OR2V1: variants seen among roughly 807,000 people sequenced by gnomAD.
OR2V1 encodes olfactory receptor family 2 subfamily V member 1.
Under a neutral mutation model 15.0 loss-of-function variants are expected in OR2V1, and 18 were observed. The ratio of observed to expected loss-of-function variants is 1.20; its 90% CI spans 0.83 to 1.78. The LOEUF is 1.78. OR2V1 is among the 40% of genes most tolerant of loss of function. The probability of loss-of-function intolerance (pLI) is 0.00; values close to 1 mark genes in which losing one functional copy is unlikely to be tolerated. For synonymous variants in OR2V1, 144 were observed against 146.1 expected (o/e 0.99, Z 0.10); for missense variants, 359 against 392.9 (o/e 0.91, Z 0.73).
rs544743561 is a variant in OR2V1, at chr5:181,125,338, G to A, written c.-21-13C>T. On this transcript the variant is annotated splice_polypyrimidine_tract_variant and intron_variant, in intron 3 of 3. Coordinates refer to ENST00000641551, the MANE Select transcript of OR2V1 (RefSeq NM_001258283.2). ...TGTTCACTGTCACCTGAGAACATAA[G>A]AGAAATTATAAGATTGAGTGACATG... The A allele has an allele frequency of 3.8e-6, 6 of 1,574,556 alleles. No individual in the cohort carries two copies. In the African/African-American group the frequency reaches 8.1e-5, roughly 21 times the overall value.
rs950279791 is a variant in OR2V1 at position 181,124,707 on chromosome 5, G to C, written c.598C>G (p.Leu200Val). Residue 200 changes from leucine to valine, a missense_variant, in exon 4 of 4, where the codon CTC becomes GTC. Transcript: ENST00000641551. ...CADTSLFDTL[L>V]FACCVFMLLL... ...AGCATGAAGACACAGCAAGCAAAGA[G>C]GAGGGTGTCAAAAAGGGAAGTGTCT... The C allele has an allele frequency of 1.9e-6, 3 of 1,612,072 alleles. No homozygotes were observed. In the East Asian group the frequency reaches 6.7e-5, roughly 36 times the overall value.
rs1762824745 is a variant in OR2V1 at position 181,123,161 on chromosome 5, T to G, written c.*1196A>C. ...TATATTACCTCACTTGATGCTCTCT[T>G]CTTGCATTCATTCAATAATGTTTTA... On this transcript the variant is annotated 3_prime_UTR_variant, in exon 4 of 4. Transcript: ENST00000641551. 6.6e-6 allele frequency: 1 copy of G among 152,240 alleles called. No individual in the cohort carries two copies. The highest frequency in any genetic ancestry group is 1.5e-5 in the Non-Finnish European group (1 of 68,046). 9.4% of individuals were successfully genotyped at this position (152,240 alleles called of 1,614,324 possible).
Position 181,130,395 on chromosome 5 carries a change from A to G in OR2V1, c.-120-180T>C, listed in dbSNP as rs369225222. 2,301 of 394,088 alleles carry G rather than the reference A, an allele frequency of 5.8e-3. 17 individuals are homozygous for G. The highest frequency in any genetic ancestry group is 0.029 in the African/African-American group (1,394 of 48,036). 24.4% of individuals were successfully genotyped at this position (394,088 alleles called of 1,614,324 possible). A position where few individuals can be genotyped will look rare whatever the true frequency, so the allele number is the denominator to read the frequency against. On this transcript the variant is annotated intron_variant, in intron 1 of 3. Coordinates refer to ENST00000641551, the MANE Select transcript of OR2V1 (RefSeq NM_001258283.2). ...CAGTGGCCCCTCAGGCTCAGAGAGC[A>G]AGGCTCACACAGACCACAGCCTCCT... is the stretch of plus-strand genomic sequence containing the variant.
At chr5:181,127,898 C>T (rs1762899932) in intron 3 of OR2V1, among the ~76,000 whole-genome samples, 1 of 151,860 alleles carries the variant, frequency 6.6e-6, no homozygotes, top group Non-Finnish European at 1.5e-5. Context: ...CCAGGACATG[C>T]ACGTCCCACT....
At chr5:181,128,752 G>T (rs1762920537) in intron 3 of OR2V1, among the ~76,000 whole-genome samples, 1 of 152,116 alleles carries the variant, frequency 6.6e-6, no homozygotes, top group Admixed American at 6.5e-5. Context: ...CCCTGCCTTG[G>T]TTCCCACAGC....
intron 1 of OR2V1, 141 bp from the exon 2 acceptor site, chr5:181,130,356 G>T: frequency 2.5e-6 from 1 of 396,824 alleles, no homozygotes; most frequent in Non-Finnish European, 4.4e-6. Context: ...GGAGCCCACG[G>T]CACCCTCAGC....
intron 3 of OR2V1, among the ~76,000 whole-genome samples, chr5:181,126,529 C>T (rs1235415713): frequency 6.6e-6 from 1 of 151,422 alleles, no homozygotes; most frequent in Non-Finnish European, 1.5e-5. Context: ...CACACACAGA[C>T]ACATGGAAAT....
rs1416858534 is a variant in OR2V1 at position 181,125,115 on chromosome 5, G to A, written c.190C>T (p.Leu64Phe). Residue 64 changes from leucine to phenylalanine, a missense_variant, in exon 4 of 4, where the codon CTC becomes TTC. Coordinates refer to ENST00000641551, the MANE Select transcript of OR2V1 (RefSeq NM_001258283.2). ...AGGTCCATGAGGGAGAGCTGGCTGA[G>A]GAAGAAGTACATGGGGGTGTGAAGT... ...AGLHTPMYFF[L>F]SQLSLMDLML... 1.9e-6 allele frequency: 3 copies of A among 1,614,086 alleles called. No individual in the cohort carries two copies. The highest frequency in any genetic ancestry group is 2.7e-5 in the African/African-American group (2 of 74,920).
intron 3 of OR2V1, among the ~76,000 whole-genome samples, chr5:181,129,287 C>T (rs1399011142): frequency 6.6e-6 from 1 of 151,844 alleles, no homozygotes; most frequent in Non-Finnish European, 1.5e-5. Context: ...CCTGTAGTTC[C>T]AGTTACTTGG....
At chr5:181,125,395 C>G (rs970215677) in intron 3 of OR2V1, 70 bp from the exon 4 acceptor site, 7 of 1,172,214 alleles carry the variant, frequency 6.0e-6, no homozygotes, top group Non-Finnish European at 8.4e-6. Context: ...TTCAGTTCAA[C>G]AGCGTATGCT....
chr5:181,126,433 C>G (rs1161687074), intron 3 of OR2V1, among the ~76,000 whole-genome samples: 2 of 151,192 alleles, frequency 1.3e-5, no homozygotes, highest in Non-Finnish European at 1.5e-5. Context: ...CACACACACA[C>G]ACACACACAC....
chr5:181,127,137 C>T (rs1281178809), intron 3 of OR2V1, among the ~76,000 whole-genome samples: 1 of 152,240 alleles, frequency 6.6e-6, no homozygotes, highest in Non-Finnish European at 1.5e-5. Flanking sequence ...CGTATTTGGA[C>T]CGTCCCCGTC....
At position 181,130,195 on chromosome 5, in the gene OR2V1, G is replaced by C. The variant is rs1005552307; in HGVS notation, c.-100C>G. 30 of 398,624 alleles carry C rather than the reference G, an allele frequency of 7.5e-5. No individual in the cohort carries two copies. Among genetic ancestry groups the C allele is most frequent in the Non-Finnish European group, 1.2e-4 (27 of 226,136 alleles). 24.7% of individuals were successfully genotyped at this position (398,624 alleles called of 1,614,324 possible). On this transcript the variant is annotated 5_prime_UTR_variant, in exon 2 of 4. Coordinates refer to ENST00000641551, the MANE Select transcript of OR2V1 (RefSeq NM_001258283.2). ...CACCTGTGGGTGGGTCCCTGCAGGG[G>C]AACAAACTCAGCAGAGTCACCTGTG... is the stretch of plus-strand genomic sequence containing the variant.
intron 3 of OR2V1, among the ~76,000 whole-genome samples, chr5:181,126,223 G>A (rs1030651449): frequency 2.9e-4 from 44 of 152,208 alleles, no homozygotes; most frequent in Non-Finnish European, 4.7e-4. Context: ...TTTTCTGATG[G>A]GTTATTGTAG....
intron 2 of OR2V1, among the ~76,000 whole-genome samples, chr5:181,129,788 C>G (rs1373809425): frequency 6.6e-6 from 1 of 152,206 alleles, no homozygotes; most frequent in Non-Finnish European, 1.5e-5. Flanking sequence ...CACATCAGCC[C>G]CCTCCTTCCT....
Position 181,124,833 on chromosome 5 carries a change from C to T in OR2V1, c.472G>A (p.Val158Met), listed in dbSNP as rs1222326675. Residue 158 changes from valine (V) to methionine (M), a missense_variant, in exon 4 of 4, where the codon GTG becomes ATG. Coordinates refer to ENST00000641551, the MANE Select transcript of OR2V1 (RefSeq NM_001258283.2). Reference protein sequence around the residue: ...SSWAFGIIDGVIQMVAAMGLP... With the variant: ...SSWAFGIIDGMIQMVAAMGLP... The stretch of plus-strand genomic sequence containing the variant: ...CCCATGGCTGCCACCATCTGAATCA[C>T]TCCATCTATTATCCCAAAGGCCCAG... 3 of 1,597,438 alleles carry T rather than the reference C, an allele frequency of 1.9e-6. No individual in the cohort carries two copies. The highest frequency in any genetic ancestry group is 2.3e-5 in the East Asian group (1 of 44,412).
At chr5:181,127,807 C>A (rs28480038) in intron 3 of OR2V1, among the ~76,000 whole-genome samples, 4,358 of 151,966 alleles carry the variant, frequency 0.029, 196 homozygotes, top group African/African-American at 0.099. Context: ...CGAAACAAAC[C>A]AGGTTCCCCC....
Position 181,124,807 on chromosome 5 carries a change from G to T in OR2V1, c.498C>A (p.Gly166=). The T allele has an allele frequency of 6.3e-7, 1 of 1,593,116 alleles. No homozygotes were observed. Among genetic ancestry groups the T allele is most frequent in the Non-Finnish European group, 8.5e-7 (1 of 1,170,216 alleles). The change falls in exon 4 of 4, where the codon GGC becomes GGA. Residue 166 remains glycine, a synonymous_variant. Transcript: ENST00000641551. ...CGCTCCTTGAGCCACAGTAAGGTAA[G>T]CCCATGGCTGCCACCATCTGAATCA... is the stretch of plus-strand genomic sequence containing the variant. ...DGVIQMVAAM[G]LPYCGSRSVD...
chr5:181,127,488 C>T (rs1181169165), intron 3 of OR2V1, among the ~76,000 whole-genome samples: 3 of 152,200 alleles, frequency 2.0e-5, no homozygotes, highest in Non-Finnish European at 2.9e-5. Flanking sequence ...GGTGCATTCA[C>T]GTCCACCTTA....
Sources: allele counts gnomAD v4.1 joint callset (sites outside exome capture counted in the v4.1 genomes callset), GRCh38; gene constraint gnomAD v4.1.1; transcripts MANE v1.5; gene names NCBI Gene and HGNC (gene_info 2026-07-23, HGNC 2026-07-21).